Variants in PDZRN4 observed in about 807,000 individuals in gnomAD.
The protein encoded by PDZRN4 is PDZ domain containing ring finger 4, also known as PDZ domain-containing RING finger protein 4.
A neutral mutation model predicts 99.0 loss-of-function variants in PDZRN4; 70 were observed. The ratio of observed to expected loss-of-function variants is 0.71; its 90% confidence interval spans 0.58 to 0.86. The LOEUF is 0.86. PDZRN4 is among the 40% of genes least tolerant of loss of function. The probability of loss-of-function intolerance (pLI) is 0.00; values close to 1 mark genes in which losing one functional copy is unlikely to be tolerated. For synonymous variants in PDZRN4, 551 were observed against 501.6 expected, an observed-to-expected ratio of 1.10 and a Z score of -1.32; for missense variants, 1,474 against 1,331.2, an observed-to-expected ratio of 1.11 and a Z score of -1.67.
At chr12:41,456,393 A>G (rs1379765) in intron 3 of PDZRN4, among the ~76,000 whole-genome samples, 73,271 of 151,578 alleles carry the variant, frequency 0.48, 18,109 homozygotes, top group African/African-American at 0.6. Flanking sequence ...GCCCTACCTC[A>G]TCTTTAAGTT....
chr12:41,486,353 G>T (rs1469183523), intron 3 of PDZRN4, among the ~76,000 whole-genome samples: 1 of 152,132 alleles, frequency 6.6e-6, no homozygotes, highest in Non-Finnish European at 1.5e-5. Flanking sequence ...CCTAACTGGG[G>T]TTCAAACCTC....
intron 3 of PDZRN4, among the ~76,000 whole-genome samples, chr12:41,494,314 C>T (rs1260586953): frequency 1.3e-5 from 2 of 151,978 alleles, no homozygotes; most frequent in East Asian, 3.9e-4. Context: ...GGTATTTTTT[C>T]ACATAGTGTC....
rs192015110 is a variant in PDZRN4, at chr12:41,369,667, A to G, written c.844-136789A>G. On this transcript the variant is annotated intron_variant, in intron 3 of 9. Coordinates refer to ENST00000402685, the MANE Select transcript of PDZRN4 (RefSeq NM_001164595.2). ...AGAATCTCTGTCTTTACGCATTTAT[A>G]TCATTTTTAAATAAAGTATACATGT... 3.0e-3 allele frequency among the ~76,000 whole-genome samples: 462 copies of G among 152,152 alleles called. 5 individuals are homozygous for G. Among genetic ancestry groups the G allele is most frequent in the African/African-American group, 0.011 (441 of 41,572 alleles).
intron 3 of PDZRN4, among the ~76,000 whole-genome samples, chr12:41,393,467 G>A (rs1312800364): frequency 1.3e-5 from 2 of 151,418 alleles, no homozygotes; most frequent in African/African-American, 4.9e-5. Context: ...ACTTCTTAGG[G>A]TCTTATGAGC....
chr12:41,320,869 C>A (rs967455721), intron 3 of PDZRN4, among the ~76,000 whole-genome samples: 4 of 152,050 alleles, frequency 2.6e-5, no homozygotes, highest in Non-Finnish European at 4.4e-5. Context: ...AATCACACCA[C>A]AAAATTAACA....
At chr12:41,193,831 C>T (rs1483292009) in intron 2 of PDZRN4, among the ~76,000 whole-genome samples, 1 of 152,070 alleles carries the variant, frequency 6.6e-6, no homozygotes, top group African/African-American at 2.4e-5. Flanking sequence ...TTTCCCATAG[C>T]TTTTTTATGT....
chr12:41,507,581 T>C (rs1318271131), intron 4 of PDZRN4, among the ~76,000 whole-genome samples: 1 of 152,128 alleles, frequency 6.6e-6, no homozygotes, highest in Non-Finnish European at 1.5e-5. Flanking sequence ...GTCACAGATG[T>C]ACAATAGAAT....
chr12:41,472,295 GCCTGGCCCTGTATTA>G (rs1265507966), intron 3 of PDZRN4, among the ~76,000 whole-genome samples: 35 of 152,226 alleles, frequency 2.3e-4, no homozygotes, highest in African/African-American at 7.5e-4. Flanking sequence ...GAGCCACGGC[GCCTGGCCCTGTATTA>G]CTTATTAGAA....
At chr12:41,506,770 G>C in intron 4 of PDZRN4, 58 bp downstream of exon 4, 1 of 1,539,768 alleles carries the variant, frequency 6.5e-7, no homozygotes, top group East Asian at 2.3e-5. Context: ...ACGTAAAGCA[G>C]ATGTTGAAAA....
chr12:41,271,899 G>A (rs1951316381), intron 3 of PDZRN4, among the ~76,000 whole-genome samples: 1 of 152,036 alleles, frequency 6.6e-6, no homozygotes, highest in Admixed American at 6.6e-5. Context: ...TAAAACACAT[G>A]CTGCCAGGCC....
intron 3 of PDZRN4, among the ~76,000 whole-genome samples, chr12:41,219,052 C>T (rs770816607): frequency 2.7e-5 from 4 of 150,020 alleles, no homozygotes; most frequent in African/African-American, 5.0e-5. Context: ...GGAATAATAA[C>T]GTAGAGACTT....
At chr12:41,194,867 A>G (rs1950761381) in intron 3 of PDZRN4, among the ~76,000 whole-genome samples, 1 of 152,200 alleles carries the variant, frequency 6.6e-6, no homozygotes, top group South Asian at 2.1e-4. Flanking sequence ...ATTTCTGATG[A>G]GGAACTATGA....
chr12:41,375,478 G>T (rs1452956373), intron 3 of PDZRN4, among the ~76,000 whole-genome samples: 1 of 152,094 alleles, frequency 6.6e-6, no homozygotes, highest in Non-Finnish European at 1.5e-5. Context: ...TCAATGAATT[G>T]CATGTACTAA....
intron 3 of PDZRN4, among the ~76,000 whole-genome samples, chr12:41,263,839 T>C (rs1951260210): frequency 6.6e-6 from 1 of 152,170 alleles, no homozygotes; most frequent in Non-Finnish European, 1.5e-5. Context: ...TCATATATAA[T>C]CCCACACCTT....
At chr12:41,540,884 T>C (rs1938839982) in intron 5 of PDZRN4, among the ~76,000 whole-genome samples, 1 of 113,378 alleles carries the variant, frequency 8.8e-6, no homozygotes, top group East Asian at 2.2e-4. Context: ...TTGTTGTTGT[T>C]GTTGTTGTCC....
chr12:41,276,605 C>G (rs112681762), intron 3 of PDZRN4, among the ~76,000 whole-genome samples: 1 of 151,986 alleles, frequency 6.6e-6, no homozygotes, highest in Non-Finnish European at 1.5e-5. Context: ...TTGATTAAAG[C>G]CTTGCAATAA....
chr12:41,421,194 C>A, intron 3 of PDZRN4, among the ~76,000 whole-genome samples: 1 of 151,992 alleles, frequency 6.6e-6, no homozygotes, highest in Non-Finnish European at 1.5e-5. Flanking sequence ...TGTTATTAGA[C>A]TACTATTTGT....
chr12:41,447,481 A>T (rs544957632), intron 3 of PDZRN4, among the ~76,000 whole-genome samples: 25 of 152,274 alleles, frequency 1.6e-4, no homozygotes, highest in African/African-American at 5.8e-4. Flanking sequence ...TCTGACTGTG[A>T]GTTACTTAAC....
At chr12:41,311,083 A>G (rs1592007143) in intron 3 of PDZRN4, among the ~76,000 whole-genome samples, 2 of 152,330 alleles carry the variant, frequency 1.3e-5, no homozygotes, top group South Asian at 4.1e-4. Flanking sequence ...CATCAAAAAT[A>G]GATGAAAGCA....
Sources: allele counts gnomAD v4.1 joint callset (sites outside exome capture counted in the v4.1 genomes callset), GRCh38; gene constraint gnomAD v4.1.1; transcripts MANE v1.5; gene names NCBI Gene and HGNC (gene_info 2026-07-23, HGNC 2026-07-21).